SVOPL: variants seen among roughly 807,000 people sequenced by gnomAD.
The protein encoded by SVOPL is putative transporter SVOPL.
SVOPL carries 60 observed loss-of-function variants against 61.0 expected under a neutral mutation model. The observed-to-expected ratio is 0.98, with a 90% confidence interval of 0.80 to 1.22. The LOEUF (loss-of-function observed/expected upper bound fraction) is 1.22. Among genes scored for constraint, SVOPL ranks in the 50% most tolerant of loss-of-function variants. SVOPL has a pLI of 0.00. For synonymous variants in SVOPL, 279 were observed against 250.0 expected (o/e 1.12, Z -1.09); for missense variants, 662 against 643.9 (o/e 1.03, Z -0.30).
intron 14 of SVOPL, among the ~76,000 whole-genome samples, chr7:138,603,955 CTTTT>C (rs560678707): frequency 0.059 from 6,375 of 108,862 alleles, 96 homozygotes; most frequent in Middle Eastern, 0.093. Context: ...TTAATTTATT[CTTTT>C]TTTTTTTTTT....
intron 9 of SVOPL, among the ~76,000 whole-genome samples, chr7:138,631,931 G>A (rs192886697): frequency 6.9e-6 from 1 of 143,928 alleles, no homozygotes; most frequent in Non-Finnish European, 1.5e-5. Flanking sequence ...GGCTCAGACT[G>A]CCATGGCTCA....
At chr7:138,643,281 T>C (rs1800923994) in intron 9 of SVOPL, among the ~76,000 whole-genome samples, 1 of 151,610 alleles carries the variant, frequency 6.6e-6, no homozygotes, top group South Asian at 2.1e-4. Context: ...AAAAATTAGC[T>C]GGGCATGGTG....
At chr7:138,602,300 AT>A (rs1798557303) in intron 14 of SVOPL, among the ~76,000 whole-genome samples, 2 of 152,154 alleles carry the variant, frequency 1.3e-5, no homozygotes, top group Non-Finnish European at 2.9e-5. Flanking sequence ...AAAAAATAAA[AT>A]GCAAACAATG....
chr7:138,605,050 TAA>T (rs1186554466), intron 14 of SVOPL, among the ~76,000 whole-genome samples: 1 of 151,386 alleles, frequency 6.6e-6, no homozygotes, highest in East Asian at 1.9e-4. Context: ...CCCTGAGCTC[TAA>T]AAAAGAGAAA....
At chr7:138,600,474 C>G (rs373626967) in intron 14 of SVOPL, among the ~76,000 whole-genome samples, 1 of 151,614 alleles carries the variant, frequency 6.6e-6, no homozygotes, top group East Asian at 1.9e-4. Flanking sequence ...CAGCAGCACA[C>G]GCCTGTACTC....
At chr7:138,647,142 G>A (rs779436115) in intron 8 of SVOPL, among the ~76,000 whole-genome samples, 7 of 152,190 alleles carry the variant, frequency 4.6e-5, no homozygotes, top group Non-Finnish European at 8.8e-5. Flanking sequence ...TTGGGAGGCC[G>A]AGGTGGGCAG....
chr7:138,643,964 G>A (rs540643884), intron 9 of SVOPL, among the ~76,000 whole-genome samples: 15 of 152,022 alleles, frequency 9.9e-5, no homozygotes, highest in Non-Finnish European at 1.9e-4. Flanking sequence ...AGCACTTTGG[G>A]AGGCCGAGGC....
intron 1 of SVOPL, among the ~76,000 whole-genome samples, chr7:138,682,903 G>T (rs991144997): frequency 6.8e-6 from 1 of 147,846 alleles, no homozygotes; most frequent in Admixed American, 6.8e-5. Flanking sequence ...AGGAGATGGA[G>T]GTTGCTGTAA....
chr7:138,652,071 T>C (rs1479841426), intron 7 of SVOPL, among the ~76,000 whole-genome samples: 1 of 149,482 alleles, frequency 6.7e-6, no homozygotes, highest in Non-Finnish European at 1.5e-5. Flanking sequence ...AGCCAATTTT[T>C]TTTTCCCCCT....
At chr7:138,632,180 C>T (rs998881448) in intron 9 of SVOPL, among the ~76,000 whole-genome samples, 1 of 152,094 alleles carries the variant, frequency 6.6e-6, no homozygotes, top group African/African-American at 2.4e-5. Flanking sequence ...GCCTGTGATC[C>T]CAGAACTTTG....
At chr7:138,603,877 C>T (rs992607177) in intron 14 of SVOPL, among the ~76,000 whole-genome samples, 1 of 152,018 alleles carries the variant, frequency 6.6e-6, no homozygotes, top group African/African-American at 2.4e-5. Flanking sequence ...CCAGAACACT[C>T]CCAACTTTGT....
At chr7:138,604,949 T>G (rs1397981997) in intron 14 of SVOPL, among the ~76,000 whole-genome samples, 1 of 151,186 alleles carries the variant, frequency 6.6e-6, no homozygotes, top group Non-Finnish European at 1.5e-5. Flanking sequence ...GGTGTAGTGG[T>G]GCATAACTGT....
chr7:138,657,873 T>C (rs1286520332), intron 6 of SVOPL, among the ~76,000 whole-genome samples: 1 of 152,122 alleles, frequency 6.6e-6, no homozygotes, highest in Non-Finnish European at 1.5e-5. Context: ...TCCTGTGAAT[T>C]CAAGGGGAGG....
chr7:138,691,335 C>A (rs1377594867), intron 1 of SVOPL, among the ~76,000 whole-genome samples: 1 of 152,134 alleles, frequency 6.6e-6, no homozygotes, highest in Non-Finnish European at 1.5e-5. Context: ...AGTCTTCAGT[C>A]AACATTAAAT....
At chr7:138,683,911 G>T (rs1802750786) in intron 1 of SVOPL, among the ~76,000 whole-genome samples, 1 of 150,998 alleles carries the variant, frequency 6.6e-6, no homozygotes, top group Non-Finnish European at 1.5e-5. Context: ...AATTAGCCAG[G>T]TGTGGTGGTG....
Position 138,630,182 on chromosome 7 carries a change from T to A in SVOPL, c.790-60A>T, listed in dbSNP as rs530035944. The A allele has an allele frequency of 1.8e-4, 246 of 1,380,224 alleles. 1 individual carries two copies. Among genetic ancestry groups the A allele is most frequent in the Non-Finnish European group, 9.1e-5 (88 of 968,598 alleles). The allele number at this position is 1,380,224 out of a possible 1,614,324, so 85.5% of individuals were successfully genotyped here. The stretch of plus-strand genomic sequence containing the variant: ...CAGCTTAAGGATGAACGGAGATGTT[T>A]CCACTGTTTTCGATCATAGAAGATG... On this transcript the variant is annotated intron_variant, in intron 9 of 15. Coordinates refer to ENST00000674285, the MANE Select transcript of SVOPL (RefSeq NM_001139456.2).
At chr7:138,673,804 G>T (rs1430226469) in intron 3 of SVOPL, among the ~76,000 whole-genome samples, 1 of 152,178 alleles carries the variant, frequency 6.6e-6, no homozygotes, top group Non-Finnish European at 1.5e-5. Flanking sequence ...TTCTGCTATA[G>T]TAGCCTTAGG....
rs1356576235 is a variant in SVOPL, at chr7:138,701,233, G to A, written c.-90C>T. 1.3e-5 allele frequency: 2 copies of A among 152,184 alleles called. No individual in the cohort carries two copies. The highest frequency in any genetic ancestry group is 2.1e-4 in the South Asian group (1 of 4,818). 9.4% of individuals were successfully genotyped at this position (152,184 alleles called of 1,614,324 possible). A position where few individuals can be genotyped will look rare whatever the true frequency, so the allele number is the denominator to read the frequency against. ...TTCAGGCTCTTTTGCTCCCCTCACC[G>A]TGGCCAAGTCTTAGACGGAAATTGG... On this transcript the variant is annotated 5_prime_UTR_variant, in exon 1 of 16. The change creates a new upstream start codon in the 5' untranslated region. Transcript: ENST00000674285.
In SVOPL at chr7:138,688,941, T is replaced by G. The variant is rs1401434412; in HGVS notation, c.-34-9862A>C. Reference sequence around the variant, plus strand: ...TGTAATTCGTTAAGATAAAGTCAGCTCTTCCTCTTTCCCTAAGCGGCCTGA... The same window carrying G: ...TGTAATTCGTTAAGATAAAGTCAGCGCTTCCTCTTTCCCTAAGCGGCCTGA... On this transcript the variant is annotated intron_variant, in intron 1 of 15. Transcript: ENST00000674285. The G allele has an allele frequency of 5.5e-6, 3 of 545,710 alleles. No individual in the cohort carries two copies. In the East Asian group the frequency reaches 1.2e-4, roughly 23 times the overall value. The allele number at this position is 545,710 out of a possible 1,614,324, so 33.8% of individuals were successfully genotyped here. A position where few individuals can be genotyped will look rare whatever the true frequency, so the allele number is the denominator to read the frequency against.
Sources: allele counts gnomAD v4.1 joint callset (sites outside exome capture counted in the v4.1 genomes callset), GRCh38; gene constraint gnomAD v4.1.1; transcripts MANE v1.5; gene names NCBI Gene and HGNC (gene_info 2026-07-23, HGNC 2026-07-21).